EPSTI1: variants seen among roughly 807,000 people sequenced by gnomAD.
The protein encoded by EPSTI1 is epithelial stromal interaction 1.
A neutral mutation model predicts 49.9 loss-of-function variants in EPSTI1; 66 were observed. The ratio of observed to expected loss-of-function variants is 1.32; its 90% confidence interval spans 1.08 to 1.62. The LOEUF (loss-of-function observed/expected upper bound fraction) is 1.62, where lower values mean the gene tolerates loss of function less well. Among genes scored for constraint, EPSTI1 ranks in the 40% most tolerant of loss-of-function variants. EPSTI1 has a pLI of 0.00. For missense variants in EPSTI1, 394 were observed against 365.5 expected (o/e 1.08, Z -0.64); for synonymous variants, 137 against 130.7 (o/e 1.05, Z -0.33).
chr13:42,972,482 C>T (rs9533322), intron 1 of EPSTI1, among the ~76,000 whole-genome samples: 14,819 of 152,222 alleles, frequency 0.097, 999 homozygotes, highest in East Asian at 0.24. Flanking sequence ...GGTAAAGACA[C>T]AGAGGTTGAA....
chr13:42,985,548 T>C (rs1441686626), intron 1 of EPSTI1, among the ~76,000 whole-genome samples: 4 of 152,134 alleles, frequency 2.6e-5, no homozygotes, highest in African/African-American at 7.2e-5. Flanking sequence ...TTTCATTCTA[T>C]GAAAGGACCG....
chr13:42,960,981 GA>G, intron 5 of EPSTI1, among the ~76,000 whole-genome samples: 1 of 152,188 alleles, frequency 6.6e-6, no homozygotes, highest in Non-Finnish European at 1.5e-5. Context: ...CCCATGTAAG[GA>G]AACATGTTCC....
At chr13:42,914,749 T>C (rs139955052) in intron 8 of EPSTI1, among the ~76,000 whole-genome samples, 2 of 152,188 alleles carry the variant, frequency 1.3e-5, no homozygotes, top group Non-Finnish European at 2.9e-5. Flanking sequence ...AATGGTAAGA[T>C]GAGATGAGAA....
At chr13:42,955,770 C>G (rs932437335) in intron 5 of EPSTI1, among the ~76,000 whole-genome samples, 1 of 151,092 alleles carries the variant, frequency 6.6e-6, no homozygotes, top group African/African-American at 2.4e-5. Context: ...CCATTGCACT[C>G]CAGCCTGGGC....
At chr13:42,915,735 G>T (rs1182998515) in intron 8 of EPSTI1, among the ~76,000 whole-genome samples, 1 of 152,152 alleles carries the variant, frequency 6.6e-6, no homozygotes, top group Non-Finnish European at 1.5e-5. Flanking sequence ...AATAATTTAT[G>T]TAAAAGGATA....
intron 1 of EPSTI1, among the ~76,000 whole-genome samples, chr13:42,979,345 G>A (rs899150723): frequency 3.3e-5 from 5 of 152,188 alleles, no homozygotes; most frequent in African/African-American, 1.2e-4. Context: ...TTGGGAGACT[G>A]AGGCGGGTGG....
intron 6 of EPSTI1, among the ~76,000 whole-genome samples, chr13:42,926,726 C>T (rs1407124338): frequency 6.6e-6 from 1 of 152,224 alleles, no homozygotes; most frequent in Admixed American, 6.5e-5. Context: ...TCTCCCAGAG[C>T]ACATTCCACA....
chr13:42,982,490 C>T (rs561301298), intron 1 of EPSTI1, among the ~76,000 whole-genome samples: 2 of 152,294 alleles, frequency 1.3e-5, no homozygotes, highest in East Asian at 1.9e-4. Context: ...TATAGACTTG[C>T]CCTGAATTAT....
intron 8 of EPSTI1, among the ~76,000 whole-genome samples, chr13:42,909,140 T>C (rs1372582813): frequency 6.6e-6 from 1 of 152,110 alleles, no homozygotes; most frequent in Non-Finnish European, 1.5e-5. Flanking sequence ...TGTGTAGCTA[T>C]TTCTTGAAAG....
chr13:42,944,536 G>T (rs1291916535), intron 6 of EPSTI1, among the ~76,000 whole-genome samples: 1 of 152,146 alleles, frequency 6.6e-6, no homozygotes, highest in East Asian at 1.9e-4. Flanking sequence ...GGGGGCTAGG[G>T]GAGGGATAGC....
chr13:42,907,231 T>G (rs6561091), intron 8 of EPSTI1, among the ~76,000 whole-genome samples: 1 of 152,216 alleles, frequency 6.6e-6, no homozygotes, highest in Admixed American at 6.5e-5. Flanking sequence ...AAATGCAAGG[T>G]AGACGTAGGT....
chr13:42,896,233 A>G (rs2037185467), intron 9 of EPSTI1, among the ~76,000 whole-genome samples: 1 of 152,004 alleles, frequency 6.6e-6, no homozygotes, highest in South Asian at 2.1e-4. Context: ...CATAAAATCT[A>G]CCCAAGTGCC....
intron 1 of EPSTI1, among the ~76,000 whole-genome samples, chr13:42,977,952 C>A (rs1181706879): frequency 6.6e-6 from 1 of 152,108 alleles, no homozygotes; most frequent in East Asian, 1.9e-4. Flanking sequence ...AGATCGAGAC[C>A]ATCCTGGCTA....
At chr13:42,915,888 C>T (rs890901535) in intron 8 of EPSTI1, among the ~76,000 whole-genome samples, 3 of 151,444 alleles carry the variant, frequency 2.0e-5, no homozygotes, top group African/African-American at 7.3e-5. Flanking sequence ...AATTAAATCC[C>T]AGATCTAGTA....
At position 42,888,038 on chromosome 13, in the gene EPSTI1, C is replaced by CTT; in HGVS notation, c.*454_*455dup. The CTT allele has an allele frequency of 2.4e-6, 1 of 410,326 alleles. No homozygotes were observed. The highest frequency in any genetic ancestry group is 4.3e-6 in the Non-Finnish European group (1 of 234,670). The allele number at this position is 410,326 out of a possible 1,614,324, so 25.4% of individuals were successfully genotyped here. On this transcript the variant is annotated 3_prime_UTR_variant, in exon 11 of 11. Transcript: ENST00000313624. ...AAATTTGTGTAAAAGAATATAAGAC[C>CTT]TTTTTCTTTTGTACATATTTGTACC... is the stretch of plus-strand genomic sequence containing the variant.
intron 7 of EPSTI1, among the ~76,000 whole-genome samples, chr13:42,918,143 G>GA (rs1353028325): frequency 2.0e-5 from 3 of 152,150 alleles, no homozygotes. Flanking sequence ...TAATCTGGAT[G>GA]AAGTTTTATT....
At chr13:42,974,353 AAAAAG>A (rs1244670073) in intron 1 of EPSTI1, among the ~76,000 whole-genome samples, 3 of 150,846 alleles carry the variant, frequency 2.0e-5, no homozygotes, top group African/African-American at 4.9e-5. Flanking sequence ...AAAGAAAAAG[AAAAAG>A]AAAAGAAATG....
chr13:42,957,197 T>G (rs1406951597), intron 5 of EPSTI1, among the ~76,000 whole-genome samples: 2 of 152,196 alleles, frequency 1.3e-5, no homozygotes, highest in Non-Finnish European at 2.9e-5. Flanking sequence ...GAGTCTAAGA[T>G]TACTATCATT....
At chr13:42,889,128 T>TA (rs2036952796) in intron 10 of EPSTI1, 1 of 1,115,052 alleles carries the variant, frequency 9.0e-7, no homozygotes, top group African/African-American at 1.6e-5. Context: ...ACATAGGATT[T>TA]AGAGTTTCCA....
Sources: allele counts gnomAD v4.1 joint callset (sites outside exome capture counted in the v4.1 genomes callset), GRCh38; gene constraint gnomAD v4.1.1; transcripts MANE v1.5; gene names NCBI Gene and HGNC (gene_info 2026-07-23, HGNC 2026-07-21).